PLPP4: variants seen among roughly 807,000 people sequenced by gnomAD.
The protein encoded by PLPP4 is phospholipid phosphatase 4, also known as diacylglycerol pyrophosphate like 2.
Under a neutral mutation model 32.2 loss-of-function variants are expected in PLPP4, and 20 were observed. The ratio of observed to expected loss-of-function variants is 0.62; its 90% confidence interval spans 0.44 to 0.90. PLPP4 has a LOEUF of 0.90. PLPP4 is among the 40% of genes least tolerant of loss of function. The pLI is 0.00. For synonymous variants in PLPP4, 127 were observed against 133.0 expected (o/e 0.95, Z 0.31); for missense variants, 257 against 353.1 (o/e 0.73, Z 2.18).
At chr10:120,529,578 G>A (rs1470690554) in intron 5 of PLPP4, among the ~76,000 whole-genome samples, 1 of 152,154 alleles carries the variant, frequency 6.6e-6, no homozygotes, top group Non-Finnish European at 1.5e-5. Context: ...CAGAAATAGT[G>A]GCTCATGTCT....
chr10:120,545,699 G>A (rs1345760165), intron 5 of PLPP4, among the ~76,000 whole-genome samples: 1 of 152,200 alleles, frequency 6.6e-6, no homozygotes, highest in East Asian at 1.9e-4. Flanking sequence ...TTGGATAGGG[G>A]TTTGGCTGCC....
rs977397993 is a variant in PLPP4 at position 120,570,521 on chromosome 10, C to CCTGT, written c.446-4607_446-4604dup. On this transcript the variant is annotated intron_variant, in intron 5 of 6. Transcript: ENST00000398250. ...AAAAAATACAACATAAAAAGCAGGA[C>CCTGT]CTGTCTTCCTGATTCTTATCTCATT... is the stretch of plus-strand genomic sequence containing the variant. Among the ~76,000 whole-genome samples, 88 of 152,086 alleles carry CCTGT rather than the reference C, an allele frequency of 5.8e-4. 1 individual carries two copies. The highest frequency in any genetic ancestry group is 1.6e-4 in the Non-Finnish European group (11 of 68,016).
intron 5 of PLPP4, among the ~76,000 whole-genome samples, chr10:120,561,619 T>C (rs1310959374): frequency 1.3e-5 from 2 of 152,188 alleles, no homozygotes; most frequent in Non-Finnish European, 2.9e-5. Context: ...TGTCTTTGGG[T>C]ACAAATTTCA....
intron 5 of PLPP4, among the ~76,000 whole-genome samples, chr10:120,548,979 C>T (rs1224233577): frequency 6.6e-6 from 1 of 151,748 alleles, no homozygotes; most frequent in African/African-American, 2.4e-5. Flanking sequence ...GATATTAGAC[C>T]TTTGTCAGAT....
chr10:120,494,172 C>T (rs1299974924), intron 1 of PLPP4, among the ~76,000 whole-genome samples: 1 of 152,182 alleles, frequency 6.6e-6, no homozygotes, highest in African/African-American at 2.4e-5. Flanking sequence ...CAAGACATAA[C>T]ATTGGGCCTC....
At chr10:120,491,163 A>G (rs1383655905) in intron 1 of PLPP4, among the ~76,000 whole-genome samples, 1 of 152,174 alleles carries the variant, frequency 6.6e-6, no homozygotes, top group Non-Finnish European at 1.5e-5. Context: ...GCTTGTGCTA[A>G]GGTGCATCTG....
chr10:120,476,326 C>T (rs749742765), intron 1 of PLPP4, among the ~76,000 whole-genome samples: 19 of 152,142 alleles, frequency 1.2e-4, no homozygotes, highest in Non-Finnish European at 2.4e-4. Flanking sequence ...TTGTTGAGTG[C>T]TTACTCTGTG....
chr10:120,582,356 C>A (rs527260537), intron 6 of PLPP4, among the ~76,000 whole-genome samples: 1 of 152,268 alleles, frequency 6.6e-6, no homozygotes, highest in African/African-American at 2.4e-5. Flanking sequence ...CTCTCTCTTC[C>A]CATGGTGTTT....
intron 1 of PLPP4, among the ~76,000 whole-genome samples, chr10:120,488,678 G>A (rs189175497): frequency 6.6e-6 from 1 of 152,300 alleles, no homozygotes; most frequent in Non-Finnish European, 1.5e-5. Context: ...GCTCCAGCTT[G>A]TATCCCACAC....
intron 6 of PLPP4, among the ~76,000 whole-genome samples, chr10:120,578,044 A>G (rs1401602477): frequency 6.6e-6 from 1 of 152,182 alleles, no homozygotes; most frequent in Non-Finnish European, 1.5e-5. Context: ...TACAATCACA[A>G]GACCCCTCGC....
rs139600769 is a variant in PLPP4 at position 120,510,785 on chromosome 10, G to T, written c.166-3126G>T. 1.8e-4 allele frequency among the ~76,000 whole-genome samples: 28 copies of T among 152,326 alleles called. No individual in the cohort carries two copies. The East Asian group carries it at 5.2e-3, about 28-fold the overall frequency. On this transcript the variant is annotated intron_variant, in intron 2 of 6. Transcript: ENST00000398250. ...TTTAAAAATGTTTGTGTACAAGGGG[G>T]TGAATGATACATGTAACTATGTCTC...
chr10:120,497,150 A>T (rs1404983372), intron 1 of PLPP4, among the ~76,000 whole-genome samples: 1 of 152,042 alleles, frequency 6.6e-6, no homozygotes, highest in Non-Finnish European at 1.5e-5. Context: ...GGTGACCAAA[A>T]AAAGGTAGTC....
chr10:120,552,827 T>C (rs2133990353), intron 5 of PLPP4, among the ~76,000 whole-genome samples: 1 of 152,326 alleles, frequency 6.6e-6, no homozygotes, highest in East Asian at 1.9e-4. Context: ...CTATGCTGAT[T>C]TACACAACTC....
chr10:120,513,287 C>T (rs934711486), intron 2 of PLPP4, among the ~76,000 whole-genome samples: 12 of 152,116 alleles, frequency 7.9e-5, no homozygotes, highest in African/African-American at 2.9e-4. Flanking sequence ...GATGGTACCA[C>T]CAGTACCATG....
At chr10:120,540,079 G>T (rs759718497) in intron 5 of PLPP4, among the ~76,000 whole-genome samples, 2 of 151,080 alleles carry the variant, frequency 1.3e-5, no homozygotes, top group Non-Finnish European at 2.9e-5. Context: ...TTGTCCTAGG[G>T]ATTATTTCCC....
intron 2 of PLPP4, among the ~76,000 whole-genome samples, chr10:120,512,859 C>T (rs1230321333): frequency 6.6e-6 from 1 of 152,010 alleles, no homozygotes. Context: ...TCCAGCCATG[C>T]CTTAGTTCCA....
intron 1 of PLPP4, among the ~76,000 whole-genome samples, chr10:120,463,583 T>C (rs538677273): frequency 6.6e-6 from 1 of 152,338 alleles, no homozygotes; most frequent in South Asian, 2.1e-4. Context: ...TCGCCACCCT[T>C]GTTAATCCCT....
intron 1 of PLPP4, among the ~76,000 whole-genome samples, chr10:120,487,646 A>G (rs1844522599): frequency 6.6e-6 from 1 of 152,224 alleles, no homozygotes; most frequent in Non-Finnish European, 1.5e-5. Flanking sequence ...TGTTAAGTGT[A>G]TAATTCAGCA....
rs57745352 is a variant in PLPP4 at position 120,486,250 on chromosome 10, C to T, written c.57-17568C>T. Among the ~76,000 whole-genome samples the T allele has an allele frequency of 1.5e-3, 177 of 117,032 alleles. 4 individuals are homozygous for T. The East Asian group carries it at 0.065, about 43-fold the overall frequency. 76.8% of individuals were successfully genotyped at this position (117,032 alleles called of 152,430 possible). ...CTCCATCTGTGAGAGGCTTTCCTCC[C>T]ATTTCATTTAAGTTTTTTTTTTTTT... On this transcript the variant is annotated intron_variant, in intron 1 of 6. Transcript: ENST00000398250.
Sources: gnomAD v4.1 joint callset for allele counts (sites outside exome capture counted in the v4.1 genomes callset) on GRCh38, gnomAD v4.1.1 for gene constraint, MANE v1.5 for transcripts, NCBI Gene and HGNC (gene_info 2026-07-23, HGNC 2026-07-21) for gene names.